Variants in SLC8B1 observed in about 807,000 individuals in gnomAD.
SLC8B1 encodes solute carrier family 8 member B1.
Under a neutral mutation model 63.4 loss-of-function variants are expected in SLC8B1, and 52 were observed. The observed-to-expected ratio is 0.82, with a 90% CI of 0.66 to 1.03. SLC8B1 has a LOEUF of 1.03. SLC8B1 is among the 50% of genes least tolerant of loss of function. SLC8B1 has a pLI of 0.00. For missense variants in SLC8B1, 657 were observed against 741.7 expected (o/e 0.89, Z 1.33); for synonymous variants, 336 against 323.9 (o/e 1.04, Z -0.40).
chr12:113,314,962 T>C (rs1442769813), intron 11 of SLC8B1, among the ~76,000 whole-genome samples: 1 of 152,186 alleles, frequency 6.6e-6, no homozygotes, highest in Non-Finnish European at 1.5e-5. Flanking sequence ...TTTCTGCCTC[T>C]AGCCCAAACC....
chr12:113,323,040 C>T (rs752531647), intron 2 of SLC8B1, among the ~76,000 whole-genome samples: 5 of 152,204 alleles, frequency 3.3e-5, no homozygotes, highest in African/African-American at 4.8e-5. Flanking sequence ...GTTACCACCA[C>T]CATGAGCTTA....
At position 113,305,437 on chromosome 12, in the gene SLC8B1, ATCTT is replaced by A. The variant is rs1044008575; in HGVS notation, c.1492+1054_1493-1053del. Among the ~76,000 whole-genome samples the A allele has an allele frequency of 6.6e-6, 1 of 152,214 alleles. No homozygotes were observed. Among genetic ancestry groups the A allele is most frequent in the African/African-American group, 2.4e-5 (1 of 41,458 alleles). Reference sequence around the variant, plus strand: ...GCGGCCCTTCAGGCACTTTGTGATCATCTTTCTTTCTTTAGCAGCCAACAGTATC... The same window carrying A: ...GCGGCCCTTCAGGCACTTTGTGATCATCTTTCTTTAGCAGCCAACAGTATC... On this transcript the variant is annotated intron_variant, in intron 14 of 15. Transcript: ENST00000680972. This position sits in a 1 kb window ranked among gnomAD's most constrained non-coding sequence, Gnocchi z 4.3.
chr12:113,306,607 G>A, intron 13 of SLC8B1, 32 bp from the exon 14 acceptor site: 1 of 1,591,460 alleles, frequency 6.3e-7, no homozygotes, highest in Non-Finnish European at 8.6e-7. Flanking sequence ...CTGCAGTGGT[G>A]AGTCGCTTCC....
chr12:113,306,111 T>C (rs1427573178), intron 14 of SLC8B1, among the ~76,000 whole-genome samples: 1 of 143,674 alleles, frequency 7.0e-6, no homozygotes, highest in Non-Finnish European at 1.6e-5. Context: ...TCTGGCCCTT[T>C]TAGAAAAAGT....
Position 113,307,749 on chromosome 12 carries a change from G to GAAGACCACACCCAGGGACCGC in SLC8B1, c.1332_1352dup (p.Leu444_Val450dup). On this transcript the variant is annotated inframe_insertion, in exon 13 of 16. Transcript: ENST00000680972. The stretch of plus-strand genomic sequence containing the variant: ...GCCCCAGCACAGTGTTGCTCAGCCG[G>GAAGACCACACCCAGGGACCGC]AAGACCACACCCAGGGACCGCAAGA... 1 of 1,614,016 alleles carries GAAGACCACACCCAGGGACCGC rather than the reference G, an allele frequency of 6.2e-7. No homozygotes were observed. The highest frequency in any genetic ancestry group is 8.5e-7 in the Non-Finnish European group (1 of 1,180,036).
rs1566232865 is a variant in SLC8B1 at position 113,315,350 on chromosome 12, G to C, written c.1120C>G (p.Leu374Val). Residue 374 changes from leucine to valine, a missense_variant, in exon 11 of 16, where the codon CTG (leucine) becomes GTG (valine). Leu to Val is a conservative substitution (Grantham distance 32). Coordinates refer to ENST00000680972, the MANE Select transcript of SLC8B1 (RefSeq NM_001358345.2). ...VISPLVVVLT[L>V]QSGTYGVYEI... ...GGATACTCACAGGTCCCCGACTGCA[G>C]GGTCAGGACCACAACCAGGGGGCTG... 1 of 1,545,770 alleles carries C rather than the reference G, an allele frequency of 6.5e-7. No individual in the cohort carries two copies. Among genetic ancestry groups the C allele is most frequent in the East Asian group, 2.4e-5 (1 of 40,930 alleles).
intron 15 of SLC8B1, among the ~76,000 whole-genome samples, chr12:113,303,394 A>T (rs1477001978): frequency 6.6e-6 from 1 of 152,150 alleles, no homozygotes; most frequent in Non-Finnish European, 1.5e-5. Flanking sequence ...CCGAGAGCCT[A>T]TTCAACAACT....
At position 113,310,114 on chromosome 12, in the gene SLC8B1, C is replaced by T. The variant is rs544436024; in HGVS notation, c.1257+120G>A. 38 of 1,344,700 alleles carry T rather than the reference C, an allele frequency of 2.8e-5. 1 individual carries two copies. In the South Asian group the frequency reaches 5.5e-4, roughly 19 times the overall value. The allele number at this position is 1,344,700 out of a possible 1,614,324, so 83.3% of individuals were successfully genotyped here. ...CAAAAGCAGCTTTAAAGTTCGGTTA[C>T]CTGTCTTTGTGTGACTCCTGATCAA... On this transcript the variant is annotated intron_variant, in intron 12 of 15. Transcript: ENST00000680972.
In SLC8B1 at chr12:113,319,073, T is replaced by G; in HGVS notation, c.695-2A>C. ...AGAACACATACAAGCCCAGGTAACC[T>G]GCAGACGGGGTGCACGCCGTCACCA... On this transcript the variant is annotated splice_acceptor_variant, in intron 7 of 15. Coordinates refer to ENST00000680972, the MANE Select transcript of SLC8B1 (RefSeq NM_001358345.2). LOFTEE classifies it high-confidence loss of function. 1 of 1,612,860 alleles carries G rather than the reference T, an allele frequency of 6.2e-7. No individual in the cohort carries two copies. The highest frequency in any genetic ancestry group is 8.5e-7 in the Non-Finnish European group (1 of 1,178,916).
Position 113,321,228 on chromosome 12 carries a change from G to C in SLC8B1, c.277C>G (p.Pro93Ala). Residue 93 changes from proline to alanine, a missense_variant, in exon 3 of 16, where the codon CCC becomes GCC. By Grantham distance (27) the Pro-to-Ala change is conservative. Coordinates refer to ENST00000680972, the MANE Select transcript of SLC8B1 (RefSeq NM_001358345.2). ...YLEGIFCHFP[P>A]SLLPLAVTLY... is the part of the protein sequence containing the mutation. Reference sequence around the variant, plus strand: ...GTGACAGCCAGAGGGAGGAGGCTGGGAGGGAAGTGGCAGAAGATGCCTTCC... The same window carrying C: ...GTGACAGCCAGAGGGAGGAGGCTGGCAGGGAAGTGGCAGAAGATGCCTTCC... The C allele has an allele frequency of 3.1e-6, 5 of 1,614,170 alleles. No individual in the cohort carries two copies. The highest frequency in any genetic ancestry group is 4.2e-6 in the Non-Finnish European group (5 of 1,180,014).
At chr12:113,314,915 G>A (rs1164777513) in intron 11 of SLC8B1, among the ~76,000 whole-genome samples, 2 of 152,168 alleles carry the variant, frequency 1.3e-5, no homozygotes, top group African/African-American at 4.8e-5. Context: ...GTCCCTTATG[G>A]CACAAGCGCA....
At chr12:113,317,028 C>T (rs377688074) in intron 8 of SLC8B1, 27 bp from the exon 9 acceptor site, 79 of 1,605,984 alleles carry the variant, frequency 4.9e-5, no homozygotes, top group Non-Finnish European at 6.0e-5. Flanking sequence ...CAGTTACATA[C>T]AGAACCCAGA....
rs373239726 is a variant in SLC8B1 at position 113,310,354 on chromosome 12, A to G, written c.1137T>C (p.Tyr379=). Residue 379 remains tyrosine (Y), a splice_region_variant and synonymous_variant, in exon 12 of 16, where the codon TAT becomes TAC. Coordinates refer to ENST00000680972, the MANE Select transcript of SLC8B1 (RefSeq NM_001358345.2). Reference sequence around the variant, plus strand: ...CGAGGCCGCCTATCTCATAGACACCATCTGCAAAGGGAGAGAAAGGGAGCT... The same window carrying G: ...CGAGGCCGCCTATCTCATAGACACCGTCTGCAAAGGGAGAGAAAGGGAGCT... ...VVVLTLQSGT[Y]GVYEIGGLVP... is the part of the protein sequence containing the mutation. 69 of 1,612,278 alleles carry G rather than the reference A, an allele frequency of 4.3e-5. No individual in the cohort carries two copies. Among genetic ancestry groups the G allele is most frequent in the Non-Finnish European group, 5.7e-5 (67 of 1,179,484 alleles).
chr12:113,314,339 C>T (rs1329754765), intron 11 of SLC8B1, among the ~76,000 whole-genome samples: 1 of 152,250 alleles, frequency 6.6e-6, no homozygotes, highest in Non-Finnish European at 1.5e-5. Flanking sequence ...CAGCACACAA[C>T]ACCATGCCCA....
intron 10 of SLC8B1, 32 bp from the exon 11 acceptor site, chr12:113,315,508 G>T (rs1286867694): frequency 1.3e-6 from 2 of 1,528,724 alleles, no homozygotes; most frequent in South Asian, 2.5e-5. Context: ...GAGGGTGTCG[G>T]CAGGGAAGTC....
At chr12:113,328,610 C>T (rs972383166) in intron 2 of SLC8B1, among the ~76,000 whole-genome samples, 2 of 152,174 alleles carry the variant, frequency 1.3e-5, no homozygotes, top group African/African-American at 4.8e-5. Flanking sequence ...TTTGTACATG[C>T]TGTTCCTTCT....
At chr12:113,304,688 G>C (rs1314145043) in intron 14 of SLC8B1, among the ~76,000 whole-genome samples, 3 of 152,076 alleles carry the variant, frequency 2.0e-5, no homozygotes, top group African/African-American at 7.2e-5. Context: ...CTGCAGCCTC[G>C]ACCTCCTAGG....
chr12:113,311,739 TA>T (rs1956765517), intron 11 of SLC8B1, among the ~76,000 whole-genome samples: 1 of 143,018 alleles, frequency 7.0e-6, no homozygotes, highest in Non-Finnish European at 1.5e-5. Flanking sequence ...GGTCTCGATG[TA>T]TCAACCAGGC....
chr12:113,317,024 C>T, intron 8 of SLC8B1, 23 bp from the exon 9 acceptor site: 2 of 1,607,902 alleles, frequency 1.2e-6, no homozygotes, highest in Non-Finnish European at 1.7e-6. Flanking sequence ...GGCCCAGTTA[C>T]ATACAGAACC....
Sources: allele counts gnomAD v4.1 joint callset (sites outside exome capture counted in the v4.1 genomes callset), GRCh38; gene constraint gnomAD v4.1.1; non-coding constraint Gnocchi (gnomAD v3.1); transcripts MANE v1.5; gene names NCBI Gene and HGNC (gene_info 2026-07-23, HGNC 2026-07-21).